CR1L: variants seen among roughly 807,000 people sequenced by gnomAD.
The protein encoded by CR1L is complement component receptor 1-like protein.
Under a neutral mutation model 62.3 loss-of-function variants are expected in CR1L, and 59 were observed. That is an observed-to-expected ratio of 0.95 (90% CI 0.77 to 1.18). The LOEUF is 1.18. CR1L is among the 50% of genes most tolerant of loss of function. The pLI, the probability that CR1L is intolerant of heterozygous loss-of-function variation, is 0.00. For synonymous variants in CR1L, 279 were observed against 248.7 expected (o/e 1.12, Z -1.15); for missense variants, 700 against 702.8 (o/e 1.00, Z 0.04).
At chr1:207,678,442 C>T (rs756861314) in intron 3 of CR1L, 145 bp downstream of exon 3, 2 of 688,934 alleles carry the variant, frequency 2.9e-6, no homozygotes, top group Non-Finnish European at 4.9e-6. Flanking sequence ...TAGCTCCTGA[C>T]TGAAATGGAC....
At chr1:207,686,078 CCCTCCCTTCCTCCCTCCTTTCCTTCCTT>C (rs1159968916) in intron 4 of CR1L, among the ~76,000 whole-genome samples, 1 of 53,868 alleles carries the variant, frequency 1.9e-5, no homozygotes, top group African/African-American at 7.0e-5. Flanking sequence ...CTTCCTTTCT[CCCTCCCTTCCTCCCTCCTTTCCTTCCTT>C]CCTCCCTCCC....
At chr1:207,654,391 C>A (rs1311975945) in intron 1 of CR1L, among the ~76,000 whole-genome samples, 1 of 152,082 alleles carries the variant, frequency 6.6e-6, no homozygotes, top group Admixed American at 6.6e-5. Flanking sequence ...GACATGGACC[C>A]TCCTAAAAGA....
chr1:207,716,339 T>A (rs1182435433), intron 10 of CR1L, among the ~76,000 whole-genome samples: 1 of 152,216 alleles, frequency 6.6e-6, no homozygotes, highest in Non-Finnish European at 1.5e-5. Flanking sequence ...CGAATCAGTG[T>A]CTGAAATGAT....
In CR1L at chr1:207,678,261, A is replaced by G; in HGVS notation, c.341A>G (p.Gln114Arg). 1.2e-6 allele frequency: 2 copies of G among 1,613,692 alleles called. No individual in the cohort carries two copies. Among genetic ancestry groups the G allele is most frequent in the South Asian group, 2.2e-5 (2 of 91,074 alleles). Reference protein sequence around the residue: ...NGMAHVIKDIQFRSQIKYSCP... With the variant: ...NGMAHVIKDIRFRSQIKYSCP... The stretch of plus-strand genomic sequence containing the variant: ...ATGGCACATGTGATCAAAGACATCC[A>G]GTTCAGATCCCAAATTAAATATTCT... The change falls in exon 3 of 12, where the codon CAG becomes CGG. Residue 114 changes from glutamine to arginine, a missense_variant. Physicochemically the swap from Gln to Arg is conservative, Grantham distance 43. Coordinates refer to ENST00000508064, the MANE Select transcript of CR1L (RefSeq NM_175710.2).
chr1:207,679,029 C>T (rs1267575349), intron 3 of CR1L, among the ~76,000 whole-genome samples: 2 of 145,778 alleles, frequency 1.4e-5, no homozygotes, highest in Non-Finnish European at 3.0e-5. Flanking sequence ...TGGAGTCTGG[C>T]TCTGTTGCCC....
At chr1:207,696,132 C>G (rs1337061440) in intron 5 of CR1L, among the ~76,000 whole-genome samples, 1 of 152,202 alleles carries the variant, frequency 6.6e-6, no homozygotes, top group Non-Finnish European at 1.5e-5. Flanking sequence ...GCACAGGAGC[C>G]TGGAGGGATG....
At chr1:207,663,223 T>A (rs2102447406) in intron 1 of CR1L, among the ~76,000 whole-genome samples, 1 of 152,316 alleles carries the variant, frequency 6.6e-6, no homozygotes, top group African/African-American at 2.4e-5. Context: ...CTTTTGTTTG[T>A]CTGTGCCCTG....
chr1:207,655,164 C>A, intron 1 of CR1L: 1 of 542,832 alleles, frequency 1.8e-6, no homozygotes, highest in Non-Finnish European at 3.4e-6. Context: ...CTATACAAAA[C>A]AGTAACCCTT....
At chr1:207,669,564 G>A in intron 1 of CR1L, 1 of 1,540,458 alleles carries the variant, frequency 6.5e-7, no homozygotes, top group Non-Finnish European at 8.8e-7. Flanking sequence ...CGGTGGCCTG[G>A]GGTGAAACGC....
At position 207,699,263 on chromosome 1, in the gene CR1L, C is replaced by T; in HGVS notation, c.1217C>T (p.Pro406Leu). 1 of 1,613,680 alleles carries T rather than the reference C, an allele frequency of 6.2e-7. No homozygotes were observed. Among genetic ancestry groups the T allele is most frequent in the Non-Finnish European group, 8.5e-7 (1 of 1,179,638 alleles). Reference sequence around the variant, plus strand: ...GAAAGCCTTTGGAATAGCAGTGTTCCAGTGTGTGAACGTAAGTAATAGGAG... The same window carrying T: ...GAAAGCCTTTGGAATAGCAGTGTTCTAGTGTGTGAACGTAAGTAATAGGAG... ...GMESLWNSSVPVCERKSCETP... is the reference protein window; with the variant it reads ...GMESLWNSSVLVCERKSCETP... Residue 406 changes from proline (P) to leucine (L), a missense_variant, in exon 8 of 12, where the codon CCA becomes CTA. Transcript: ENST00000508064.
In CR1L at chr1:207,723,692, G is replaced by C. The variant is rs1390582028; in HGVS notation, c.*7G>C. ...GGAATTCTGTCATCTTTAACAGTAA[G>C]TACCTACTTATAATGAATGCAATGT... On this transcript the variant is annotated 3_prime_UTR_variant, in exon 12 of 12. Transcript: ENST00000508064. The C allele has an allele frequency of 6.5e-7, 1 of 1,545,252 alleles. No individual in the cohort carries two copies. Among genetic ancestry groups the C allele is most frequent in the South Asian group, 1.2e-5 (1 of 86,146 alleles).
At chr1:207,682,095 T>C (rs1474051624) in intron 3 of CR1L, among the ~76,000 whole-genome samples, 1 of 152,132 alleles carries the variant, frequency 6.6e-6, no homozygotes, top group Non-Finnish European at 1.5e-5. Flanking sequence ...TGTATACCTA[T>C]GTAACAAAAC....
chr1:207,682,703 A>G (rs138044961), intron 3 of CR1L, among the ~76,000 whole-genome samples: 6 of 152,316 alleles, frequency 3.9e-5, no homozygotes, highest in African/African-American at 1.4e-4. Context: ...CTGTTACTTG[A>G]CATTGCTTCA....
intron 10 of CR1L, 38 bp downstream of exon 10, chr1:207,708,301 T>G (rs1233876947): frequency 9.4e-6 from 15 of 1,603,874 alleles, no homozygotes; most frequent in African/African-American, 1.3e-5. Flanking sequence ...CCCCACCATT[T>G]AACCCTAGAG....
Position 207,723,672 on chromosome 1 carries a change from T to C in CR1L, c.1697T>C (p.Phe566Ser), listed in dbSNP as rs1654189306. ...TTTTATGAAGTGTTTGCTGAGGAAT[T>C]CTGTCATCTTTAACAGTAAGTACCT... is the stretch of plus-strand genomic sequence containing the variant. ...GKFYEVFAEE[F>S]CHL The change falls in exon 12 of 12, where the codon TTC becomes TCC. Residue 566 changes from phenylalanine to serine, a missense_variant. By Grantham distance (155) the Phe-to-Ser change is radical. Transcript: ENST00000508064. 6.3e-7 allele frequency: 1 copy of C among 1,588,512 alleles called. No homozygotes were observed. Among genetic ancestry groups the C allele is most frequent in the Non-Finnish European group, 8.6e-7 (1 of 1,164,110 alleles).
At chr1:207,648,211 A>ACACAGACC (rs1663165392) in intron 1 of CR1L, among the ~76,000 whole-genome samples, 1 of 144,426 alleles carries the variant, frequency 6.9e-6, no homozygotes, top group African/African-American at 2.7e-5. Context: ...ACACAGACAC[A>ACACAGACC]CACACACACA....
At chr1:207,700,510 A>G (rs1233888522) in intron 8 of CR1L, among the ~76,000 whole-genome samples, 1 of 152,248 alleles carries the variant, frequency 6.6e-6, no homozygotes, top group Middle Eastern at 3.2e-3. Context: ...TAACAACTTG[A>G]AACCTGACCC....
chr1:207,694,039 G>A (rs573422360), intron 4 of CR1L, among the ~76,000 whole-genome samples: 36 of 152,146 alleles, frequency 2.4e-4, no homozygotes, highest in African/African-American at 8.2e-4. Context: ...TAACAAAAAT[G>A]CAAATTAAGA....
chr1:207,706,767 G>A (rs12760972), intron 9 of CR1L, among the ~76,000 whole-genome samples: 20,425 of 152,000 alleles, frequency 0.13, 1,750 homozygotes, highest in Admixed American at 0.21. Flanking sequence ...ATGTTTCCCA[G>A]GCAATTAATA....
Sources: allele counts gnomAD v4.1 joint callset (sites outside exome capture counted in the v4.1 genomes callset), GRCh38; gene constraint gnomAD v4.1.1; transcripts MANE v1.5; gene names NCBI Gene and HGNC (gene_info 2026-07-23, HGNC 2026-07-21).